The following SUPT3H variants were observed in gnomAD, a reference collection of about 807,000 sequenced individuals.
The protein encoded by SUPT3H is transcription initiation protein SPT3 homolog.
Under a neutral mutation model 44.3 loss-of-function variants are expected in SUPT3H, and 44 were observed. The observed-to-expected ratio is 0.99, with a 90% CI of 0.78 to 1.28. SUPT3H has a LOEUF of 1.28. Ranked by LOEUF, SUPT3H falls within the 50% of genes most tolerant of loss-of-function variation. SUPT3H has a pLI of 0.00. For synonymous variants in SUPT3H, 124 were observed against 125.6 expected (o/e 0.99, Z 0.09); for missense variants, 380 against 387.1 (o/e 0.98, Z 0.15).
intron 6 of SUPT3H, among the ~76,000 whole-genome samples, chr6:44,985,430 C>T (rs547954132): frequency 7.4e-4 from 112 of 151,794 alleles, no homozygotes; most frequent in South Asian, 1.2e-3. Context: ...TAGAATCTCC[C>T]AATTCATAAA....
intron 2 of SUPT3H, among the ~76,000 whole-genome samples, chr6:45,249,806 T>TG (rs58080931): frequency 1.8e-3 from 262 of 147,864 alleles, no homozygotes; most frequent in African/African-American, 5.9e-3. Context: ...AACACATCTG[T>TG]GGGGGGGTGG....
chr6:45,242,295 A>G (rs1770505556), intron 2 of SUPT3H, among the ~76,000 whole-genome samples: 1 of 152,234 alleles, frequency 6.6e-6, no homozygotes, highest in Non-Finnish European at 1.5e-5. Flanking sequence ...AGAGACAGAG[A>G]CAACAACTTG....
chr6:45,168,195 T>C (rs1434020056), intron 2 of SUPT3H, among the ~76,000 whole-genome samples: 1 of 152,162 alleles, frequency 6.6e-6, no homozygotes, highest in Admixed American at 6.5e-5. Context: ...TTTGGAAAAC[T>C]GTTTACCTGT....
At chr6:45,288,599 GTATATATATATATGTATATATA>G (rs1562883056) in intron 2 of SUPT3H, among the ~76,000 whole-genome samples, 33 of 32,438 alleles carry the variant, frequency 1.0e-3, no homozygotes, top group Non-Finnish European at 1.7e-3. Flanking sequence ...ATATATATGT[GTATATATATATATGTATATATA>G]TATATATATA....
At chr6:45,158,801 A>G (rs552834815) in intron 2 of SUPT3H, 1 of 152,222 alleles carries the variant, frequency 6.6e-6, no homozygotes, top group African/African-American at 2.4e-5. Context: ...ATCTGTTACC[A>G]AGAATATGTA....
At chr6:45,078,797 G>A (rs1210711420) in intron 3 of SUPT3H, among the ~76,000 whole-genome samples, 3 of 152,090 alleles carry the variant, frequency 2.0e-5, no homozygotes, top group Non-Finnish European at 4.4e-5. Flanking sequence ...CAAAGTTTAT[G>A]TTGGTAAATA....
intron 10 of SUPT3H, among the ~76,000 whole-genome samples, chr6:44,887,475 T>C (rs1318048983): frequency 3.3e-5 from 5 of 152,072 alleles, no homozygotes; most frequent in African/African-American, 1.2e-4. Context: ...CACTCAAAAG[T>C]GCTCAAGTAC....
At chr6:44,975,904 C>T (rs1186909068) in intron 6 of SUPT3H, among the ~76,000 whole-genome samples, 1 of 151,904 alleles carries the variant, frequency 6.6e-6, no homozygotes, top group African/African-American at 2.4e-5. Flanking sequence ...GGAAACAATG[C>T]CACCAGTGTG....
chr6:45,196,028 A>G (rs1330365744), intron 2 of SUPT3H, among the ~76,000 whole-genome samples: 1 of 152,148 alleles, frequency 6.6e-6, no homozygotes, highest in Non-Finnish European at 1.5e-5. Context: ...ACAGGTTAGA[A>G]AAGTGAGCTG....
chr6:45,078,835 A>G (rs1795369367), intron 3 of SUPT3H, among the ~76,000 whole-genome samples: 1 of 152,152 alleles, frequency 6.6e-6, no homozygotes. Context: ...AAATTCCCTT[A>G]TATGTGACTC....
chr6:45,165,664 T>C (rs1317745463), intron 2 of SUPT3H, among the ~76,000 whole-genome samples: 3 of 151,790 alleles, frequency 2.0e-5, no homozygotes, highest in Non-Finnish European at 1.5e-5. Context: ...ACAAAAAATA[T>C]CAAATGAAAG....
chr6:45,112,071 T>C (rs534197061), intron 2 of SUPT3H, among the ~76,000 whole-genome samples: 2 of 152,298 alleles, frequency 1.3e-5, no homozygotes, highest in African/African-American at 4.8e-5. Flanking sequence ...GCACCTCAGT[T>C]TCTCAGCAGT....
At chr6:44,824,388 G>A (rs770645078), downstream of SUPT3H, among the ~76,000 whole-genome samples, 47 of 152,220 alleles carry the variant, frequency 3.1e-4, no homozygotes, top group Non-Finnish European at 6.0e-4. Flanking sequence ...AGCTGGGTGA[G>A]GTGGCTTGTG....
At chr6:45,122,641 A>T (rs757153215) in intron 2 of SUPT3H, among the ~76,000 whole-genome samples, 9 of 152,160 alleles carry the variant, frequency 5.9e-5, no homozygotes, top group South Asian at 2.1e-4. Context: ...AAACACCAAA[A>T]ATAGAAGACA....
chr6:45,126,926 T>C (rs2153581858), intron 2 of SUPT3H, among the ~76,000 whole-genome samples: 1 of 152,292 alleles, frequency 6.6e-6, no homozygotes, highest in African/African-American at 2.4e-5. Context: ...ATTATATTGA[T>C]ACAAGAGATC....
intron 2 of SUPT3H, among the ~76,000 whole-genome samples, chr6:45,339,144 T>C (rs1789229412): frequency 2.0e-5 from 3 of 152,168 alleles, no homozygotes. Flanking sequence ...GTAATCTTAT[T>C]ACTTGACTAT....
At chr6:44,829,922 A>G in intron 10 of SUPT3H, 65 bp from the exon 11 acceptor site, 1 of 1,445,714 alleles carries the variant, frequency 6.9e-7, no homozygotes, top group East Asian at 2.3e-5. Context: ...AGGAGGCAAA[A>G]AGCAAGCAGA....
intron 2 of SUPT3H, among the ~76,000 whole-genome samples, chr6:45,235,931 G>A (rs578048474): frequency 7.9e-5 from 12 of 152,112 alleles, no homozygotes; most frequent in Non-Finnish European, 1.3e-4. Flanking sequence ...ACAAATAATG[G>A]CATGAGCGAT....
intron 2 of SUPT3H, among the ~76,000 whole-genome samples, chr6:45,176,688 G>C (rs1454555581): frequency 2.0e-5 from 3 of 152,208 alleles, no homozygotes; most frequent in Non-Finnish European, 4.4e-5. Flanking sequence ...TGACAGCTTT[G>C]AAGAGAGCAG....
Sources: gnomAD v4.1 joint callset for allele counts (sites outside exome capture counted in the v4.1 genomes callset) on GRCh38, gnomAD v4.1.1 for gene constraint, MANE v1.5 for transcripts, NCBI Gene and HGNC (gene_info 2026-07-23, HGNC 2026-07-21) for gene names.